EVC2: variants seen among roughly 807,000 people sequenced by gnomAD.
EVC2 encodes the protein EvC ciliary complex subunit 2, also known as limbin.
EVC2 carries 148 observed loss-of-function variants against 149.3 expected under a neutral mutation model. The ratio of observed to expected loss-of-function variants is 0.99; its 90% CI spans 0.87 to 1.14. The LOEUF is 1.14. EVC2 is among the 50% of genes most tolerant of loss of function. EVC2 has a pLI of 0.00. For missense variants in EVC2, 1,854 were observed against 1,627.3 expected, an observed-to-expected ratio of 1.14 and a Z score of -2.40; for synonymous variants, 776 against 649.9, an observed-to-expected ratio of 1.19 and a Z score of -2.95.
intron 9 of EVC2, among the ~76,000 whole-genome samples, chr4:5,641,770 TTTA>T (rs1394090279): frequency 2.0e-5 from 3 of 152,184 alleles, no homozygotes; most frequent in Non-Finnish European, 2.9e-5. Flanking sequence ...ATTTAGTTAT[TTTA>T]TTATTATTTT....
intron 6 of EVC2, among the ~76,000 whole-genome samples, chr4:5,683,395 T>C (rs1720478381): frequency 6.6e-6 from 1 of 152,208 alleles, no homozygotes; most frequent in Admixed American, 6.5e-5. Context: ...TTGTGAAACA[T>C]AAATCCTCAC....
At chr4:5,666,593 A>T (rs1282889959) in intron 7 of EVC2, among the ~76,000 whole-genome samples, 1 of 152,132 alleles carries the variant, frequency 6.6e-6, no homozygotes, top group Non-Finnish European at 1.5e-5. Context: ...CAGAGAGTCA[A>T]ATTTACTTTT....
At chr4:5,586,189 T>C (rs1712261116) in intron 16 of EVC2, among the ~76,000 whole-genome samples, 2 of 152,138 alleles carry the variant, frequency 1.3e-5, no homozygotes, top group Non-Finnish European at 1.5e-5. Context: ...TGAAAATACT[T>C]ATTTTGAGAT....
intron 9 of EVC2, among the ~76,000 whole-genome samples, chr4:5,661,634 G>A (rs1453823064): frequency 6.6e-6 from 1 of 152,192 alleles, no homozygotes; most frequent in East Asian, 1.9e-4. Context: ...AAAACATAAA[G>A]AAGTCATCTT....
intron 16 of EVC2, among the ~76,000 whole-genome samples, chr4:5,607,001 TA>T (rs1344756411): frequency 6.6e-6 from 1 of 152,182 alleles, no homozygotes; most frequent in African/African-American, 2.4e-5. Flanking sequence ...CGGAAAGGCT[TA>T]TAAAAATTAG....
chr4:5,571,455 A>T (rs1722641448), intron 19 of EVC2, among the ~76,000 whole-genome samples: 3 of 150,818 alleles, frequency 2.0e-5, no homozygotes, highest in South Asian at 2.1e-4. Flanking sequence ...TTAAAATATA[A>T]AAAAAAAATT....
At chr4:5,627,199 G>A (rs1228130542) in intron 12 of EVC2, among the ~76,000 whole-genome samples, 1 of 152,090 alleles carries the variant, frequency 6.6e-6, no homozygotes, top group Non-Finnish European at 1.5e-5. Flanking sequence ...AGACTCTCAA[G>A]GGAGGTTCCT....
intron 17 of EVC2, among the ~76,000 whole-genome samples, chr4:5,579,238 G>T (rs2108781932): frequency 6.6e-6 from 1 of 152,250 alleles, no homozygotes; most frequent in South Asian, 2.1e-4. Flanking sequence ...TTGGAGGCAG[G>T]TTTAAAGTCT....
At chr4:5,590,147 G>A (rs1185852327) in intron 16 of EVC2, among the ~76,000 whole-genome samples, 1 of 152,080 alleles carries the variant, frequency 6.6e-6, no homozygotes, top group Non-Finnish European at 1.5e-5. Flanking sequence ...GGGAAAGTGG[G>A]AGATGAAGCC....
At chr4:5,566,042 T>C (rs571397294) in intron 20 of EVC2, among the ~76,000 whole-genome samples, 81 of 152,358 alleles carry the variant, frequency 5.3e-4, no homozygotes, top group African/African-American at 1.7e-3. Flanking sequence ...ACCCTCCACG[T>C]AGCCCTAGTA....
At chr4:5,585,589 CA>C (rs1348442371) in intron 16 of EVC2, among the ~76,000 whole-genome samples, 1 of 152,062 alleles carries the variant, frequency 6.6e-6, no homozygotes, top group Non-Finnish European at 1.5e-5. Context: ...GTTTTTTTAA[CA>C]AAACAGCTTA....
In EVC2 at chr4:5,638,647, C is replaced by G. The variant is rs1717072854; in HGVS notation, c.1470+1867G>C. Among the ~76,000 whole-genome samples the G allele has an allele frequency of 3.3e-5, 5 of 152,042 alleles. No individual in the cohort carries two copies. The South Asian group carries it at 8.3e-4, about 25-fold the overall frequency. ...TATGCCTAGATCCTAACCTCAGGAC[C>G]TTATTTAGAATAAGGGTCTTTCCAC... On this transcript the variant is annotated intron_variant, in intron 10 of 21. Coordinates refer to ENST00000344408, the MANE Select transcript of EVC2 (RefSeq NM_147127.5).
intron 17 of EVC2, among the ~76,000 whole-genome samples, chr4:5,577,945 G>T (rs924749622): frequency 4.6e-5 from 7 of 152,154 alleles, no homozygotes; most frequent in African/African-American, 1.4e-4. Flanking sequence ...CCTCAAGAAG[G>T]GAGGGTCACA....
At chr4:5,676,434 C>T (rs1719999001) in intron 7 of EVC2, among the ~76,000 whole-genome samples, 1 of 152,192 alleles carries the variant, frequency 6.6e-6, no homozygotes, top group Non-Finnish European at 1.5e-5. Flanking sequence ...GTCAGGGGTG[C>T]TGCCACCCTC....
intron 7 of EVC2, among the ~76,000 whole-genome samples, chr4:5,678,172 A>G (rs957065298): frequency 1.3e-5 from 2 of 152,152 alleles, no homozygotes; most frequent in African/African-American, 2.4e-5. Context: ...TCTGTTTTCA[A>G]ACTGTCTGTA....
Position 5,575,451 on chromosome 4 carries a change from C to T in EVC2, c.3273-679G>A, listed in dbSNP as rs115098332. 3.5e-3 allele frequency among the ~76,000 whole-genome samples: 528 copies of T among 152,304 alleles called. 4 individuals are homozygous for T. Among genetic ancestry groups the T allele is most frequent in the African/African-American group, 0.012 (510 of 41,556 alleles). On this transcript the variant is annotated intron_variant, in intron 18 of 21. Transcript: ENST00000344408. Reference sequence around the variant, plus strand: ...AGATGGGGCCCCCTCACAATTATTTCGATGGGACAGAACTGCACTTTGATG... The same window carrying T: ...AGATGGGGCCCCCTCACAATTATTTTGATGGGACAGAACTGCACTTTGATG...
Position 5,576,301 on chromosome 4 carries a change from A to T in EVC2, c.3211T>A (p.Ser1071Thr). 6.2e-7 allele frequency: 1 copy of T among 1,614,164 alleles called. No homozygotes were observed. The highest frequency in any genetic ancestry group is 1.1e-5 in the South Asian group (1 of 91,084). Residue 1071 changes from serine (S) to threonine (T), a missense_variant, in exon 18 of 22, where the codon TCT becomes ACT. Physicochemically the swap from Ser to Thr is moderately conservative, Grantham distance 58. Coordinates refer to ENST00000344408, the MANE Select transcript of EVC2 (RefSeq NM_147127.5). This position sits in a 1 kb window ranked among gnomAD's most constrained non-coding sequence, Gnocchi z 4.5. ...PGEVDSERQV[S>T]TVLHQALSKS... is the part of the protein sequence containing the mutation. ...CTCAGGGCTTGGTGCAGGACAGTAG[A>T]GACCTGCCTTTCAGAATCCACCTCC...
intron 16 of EVC2, among the ~76,000 whole-genome samples, chr4:5,612,094 G>T (rs1227386744): frequency 6.6e-6 from 1 of 152,116 alleles, no homozygotes; most frequent in Non-Finnish European, 1.5e-5. Flanking sequence ...GAAAGGAAAC[G>T]AAAACAAGCC....
intron 21 of EVC2, 131 bp downstream of exon 21, chr4:5,565,127 T>C: frequency 1.2e-6 from 1 of 820,542 alleles, no homozygotes; most frequent in Non-Finnish European, 2.1e-6. Flanking sequence ...AGATTTGTGG[T>C]CTTCAGGGTC....
Sources: gnomAD v4.1 joint callset for allele counts (sites outside exome capture counted in the v4.1 genomes callset) on GRCh38, gnomAD v4.1.1 for gene constraint, Gnocchi (gnomAD v3.1) non-coding constraint, MANE v1.5 for transcripts, NCBI Gene and HGNC (gene_info 2026-07-23, HGNC 2026-07-21) for gene names.